Variants in CBFA2T3 observed in about 807,000 individuals in gnomAD.
CBFA2T3 encodes transcriptional corepressor CBFA2T3.
CBFA2T3 carries 31 observed loss-of-function variants against 58.6 expected under a neutral mutation model. The ratio of observed to expected loss-of-function variants is 0.53; its 90% CI spans 0.40 to 0.71. The LOEUF is 0.71. Ranked by LOEUF, CBFA2T3 falls within the 30% of genes least tolerant of loss-of-function variation. The pLI, the probability that CBFA2T3 is intolerant of heterozygous loss-of-function variation, is 0.00. For synonymous variants in CBFA2T3, 531 were observed against 421.9 expected (o/e 1.26, Z -3.17); for missense variants, 1,076 against 963.1 (o/e 1.12, Z -1.55).
intron 9 of CBFA2T3, 196 bp downstream of exon 9, chr16:88,881,094 TG>T: frequency 1.4e-6 from 1 of 720,188 alleles, no homozygotes. Context: ...TCCGAGCCTC[TG>T]GCCCACCAGA....
chr16:88,892,709 C>T (rs534892208), intron 3 of CBFA2T3, among the ~76,000 whole-genome samples: 45 of 152,324 alleles, frequency 3.0e-4, no homozygotes, highest in African/African-American at 9.1e-4. Context: ...CCTTCCGGCC[C>T]TGCTCTGAGA....
At chr16:88,948,934 T>A (rs531421901) in intron 1 of CBFA2T3, among the ~76,000 whole-genome samples, 1 of 152,230 alleles carries the variant, frequency 6.6e-6, no homozygotes, top group East Asian at 1.9e-4. Context: ...TAAAAGGGAA[T>A]GTGGATGGGA....
In CBFA2T3 at chr16:88,949,951, A is replaced by G. The variant is rs550744434; in HGVS notation, c.151+26706T>C. Among the ~76,000 whole-genome samples, 7 of 152,126 alleles carry G rather than the reference A, an allele frequency of 4.6e-5. No homozygotes were observed. In the East Asian group the frequency reaches 7.8e-4, roughly 17 times the overall value. On this transcript the variant is annotated intron_variant, in intron 1 of 11. Coordinates refer to ENST00000268679, the MANE Select transcript of CBFA2T3 (RefSeq NM_005187.6). ...CTTGAACCCGGGAGGCAGAGTTGCA[A>G]TGAGCCAAAATGGTGCCACTGCACT...
At chr16:88,961,499 C>A (rs1972355313) in intron 1 of CBFA2T3, among the ~76,000 whole-genome samples, 1 of 148,180 alleles carries the variant, frequency 6.7e-6, no homozygotes, top group Non-Finnish European at 1.5e-5. Context: ...TAGTAACCGA[C>A]CCTCAGCGCT....
intron 1 of CBFA2T3, among the ~76,000 whole-genome samples, chr16:88,904,964 C>G (rs1970248918): frequency 1.3e-5 from 2 of 152,322 alleles, no homozygotes; most frequent in South Asian, 4.2e-4. Context: ...TGGCCGGGAC[C>G]TGCTCCTGGC....
At chr16:88,924,515 G>A (rs182323537) in intron 1 of CBFA2T3, among the ~76,000 whole-genome samples, 5 of 152,274 alleles carry the variant, frequency 3.3e-5, no homozygotes, top group East Asian at 1.9e-4. Context: ...GGAGAAGAGC[G>A]GGCGGAGGGC....
At chr16:88,934,013 G>T (rs893236094) in intron 1 of CBFA2T3, among the ~76,000 whole-genome samples, 1 of 152,214 alleles carries the variant, frequency 6.6e-6, no homozygotes, top group East Asian at 1.9e-4. Context: ...TGGACACACT[G>T]GGTTAAGTAA....
intron 2 of CBFA2T3, among the ~76,000 whole-genome samples, chr16:88,900,331 G>A (rs572810567): frequency 6.6e-6 from 1 of 152,372 alleles, no homozygotes; most frequent in African/African-American, 2.4e-5. Flanking sequence ...CCTACAAACA[G>A]GGCCGCAAAT....
chr16:88,928,484 G>C (rs568546661), intron 1 of CBFA2T3, among the ~76,000 whole-genome samples: 39 of 152,370 alleles, frequency 2.6e-4, no homozygotes, highest in Admixed American at 1.2e-3. Flanking sequence ...GGATGTATTT[G>C]TTTGTGGAAT....
chr16:88,930,316 C>A (rs542796015), intron 1 of CBFA2T3, among the ~76,000 whole-genome samples: 1 of 148,130 alleles, frequency 6.8e-6, no homozygotes, highest in African/African-American at 2.6e-5. Context: ...ATGGTCCACG[C>A]AAAAGCTACC....
intron 5 of CBFA2T3, among the ~76,000 whole-genome samples, chr16:88,890,388 A>G (rs1468922522): frequency 6.6e-6 from 1 of 151,910 alleles, no homozygotes; most frequent in Non-Finnish European, 1.5e-5. Flanking sequence ...TGTCCTCTGG[A>G]CCCCCGAGGG....
rs1265723945 is a variant in CBFA2T3 at position 88,967,122 on chromosome 16, C to T, written c.151+9535G>A. 2.2e-5 allele frequency among the ~76,000 whole-genome samples: 3 copies of T among 137,522 alleles called. 1 individual carries two copies. The East Asian group carries it at 5.9e-4, about 27-fold the overall frequency. 90.2% of individuals were successfully genotyped at this position (137,522 alleles called of 152,430 possible). A position where few individuals can be genotyped will look rare whatever the true frequency, so the allele number is the denominator to read the frequency against. ...TGTGCCACCCCCAACCCCCAACCCC[C>T]GAGGTGCCACTCGGCCCCGACACGC... is the stretch of plus-strand genomic sequence containing the variant. On this transcript the variant is annotated intron_variant, in intron 1 of 11. Transcript: ENST00000268679.
At chr16:88,965,976 G>C (rs117513074) in intron 1 of CBFA2T3, among the ~76,000 whole-genome samples, 206 of 152,340 alleles carry the variant, frequency 1.4e-3, no homozygotes, top group East Asian at 7.1e-3. Context: ...TGTCAGGGGA[G>C]GGGACGGGGG....
intron 1 of CBFA2T3, among the ~76,000 whole-genome samples, chr16:88,946,810 G>C (rs1971915421): frequency 6.6e-6 from 1 of 151,452 alleles, no homozygotes. Context: ...TTTTTAGACA[G>C]GGTCTCACTC....
chr16:88,908,269 A>G (rs1597710372), intron 1 of CBFA2T3, among the ~76,000 whole-genome samples: 1 of 152,188 alleles, frequency 6.6e-6, no homozygotes, highest in South Asian at 2.1e-4. Flanking sequence ...TTCAGCCTGG[A>G]AGGCAGAGGT....
intron 1 of CBFA2T3, among the ~76,000 whole-genome samples, chr16:88,927,118 C>G (rs1217419706): frequency 6.6e-6 from 1 of 152,252 alleles, no homozygotes; most frequent in East Asian, 1.9e-4. Flanking sequence ...CACTCTGTCT[C>G]TGCCAGACGG....
chr16:88,912,897 T>A (rs1320422914), intron 1 of CBFA2T3, among the ~76,000 whole-genome samples: 1 of 152,034 alleles, frequency 6.6e-6, no homozygotes, highest in African/African-American at 2.4e-5. Context: ...CTCCCGGGGG[T>A]GCGTCTGAGG....
intron 5 of CBFA2T3, among the ~76,000 whole-genome samples, chr16:88,890,504 C>T (rs1275371123): frequency 6.6e-6 from 1 of 152,216 alleles, no homozygotes; most frequent in Non-Finnish European, 1.5e-5. Flanking sequence ...TCCACGGAAC[C>T]CTGACCCCAA....
At chr16:88,946,767 C>T (rs747035662) in intron 1 of CBFA2T3, among the ~76,000 whole-genome samples, 4 of 151,880 alleles carry the variant, frequency 2.6e-5, no homozygotes, top group Non-Finnish European at 4.4e-5. Context: ...AGACACGAGC[C>T]ACTGCTTCTG....
Sources: allele counts gnomAD v4.1 joint callset (sites outside exome capture counted in the v4.1 genomes callset), GRCh38; gene constraint gnomAD v4.1.1; transcripts MANE v1.5; gene names NCBI Gene and HGNC (gene_info 2026-07-23, HGNC 2026-07-21).